ANKRD55: variants seen among roughly 807,000 people sequenced by gnomAD.
ANKRD55 encodes the protein ankyrin repeat domain-containing protein 55.
In ANKRD55, 41 loss-of-function variants were observed where a neutral mutation model predicts 60.6. The ratio of observed to expected loss-of-function variants is 0.68; its 90% CI spans 0.53 to 0.88. The LOEUF is 0.88. ANKRD55 is among the 40% of genes least tolerant of loss of function. The probability of loss-of-function intolerance (pLI) is 0.00; values close to 1 mark genes in which losing one functional copy is unlikely to be tolerated. For missense variants in ANKRD55, 732 were observed against 767.6 expected (o/e 0.95, Z 0.55); for synonymous variants, 264 against 290.3 (o/e 0.91, Z 0.92).
At chr5:56,132,100 G>C (rs1205387545) in intron 7 of ANKRD55, among the ~76,000 whole-genome samples, 1 of 151,690 alleles carries the variant, frequency 6.6e-6, no homozygotes, top group Non-Finnish European at 1.5e-5. Context: ...CAGGTGGAAG[G>C]AATTAGAATC....
chr5:56,170,619 G>C, intron 5 of ANKRD55, 75 bp downstream of exon 5: 5 of 1,211,138 alleles, frequency 4.1e-6, no homozygotes, highest in Non-Finnish European at 6.1e-6. Flanking sequence ...CAGCCACAGA[G>C]GGATGGATTA....
At chr5:56,208,983 A>G (rs1244236497) in intron 2 of ANKRD55, among the ~76,000 whole-genome samples, 3 of 150,520 alleles carry the variant, frequency 2.0e-5, no homozygotes, top group Non-Finnish European at 4.4e-5. Flanking sequence ...TTTGAGTCAG[A>G]GTCTCGCTCT....
intron 5 of ANKRD55, among the ~76,000 whole-genome samples, chr5:56,165,824 G>A (rs575961796): frequency 1.2e-3 from 184 of 152,264 alleles, no homozygotes; most frequent in Admixed American, 3.8e-3. Flanking sequence ...AGCTACTCGG[G>A]AGGCTGAGGC....
chr5:56,118,160 T>C (rs1756933729), intron 8 of ANKRD55, among the ~76,000 whole-genome samples: 1 of 151,326 alleles, frequency 6.6e-6, no homozygotes. Flanking sequence ...AAGAAAAAAG[T>C]CCTTCATTGG....
intron 2 of ANKRD55, among the ~76,000 whole-genome samples, chr5:56,223,517 T>G (rs975148658): frequency 2.0e-5 from 3 of 152,210 alleles, no homozygotes; most frequent in African/African-American, 7.2e-5. Flanking sequence ...TAACCTTAAA[T>G]GTAAATGGGC....
At chr5:56,100,882 G>A (rs1036058689) in intron 11 of ANKRD55, among the ~76,000 whole-genome samples, 1 of 152,130 alleles carries the variant, frequency 6.6e-6, no homozygotes, top group East Asian at 1.9e-4. Context: ...TCCTTAACTA[G>A]ATGTTTTTGT....
chr5:56,121,421 G>A (rs1757050361), intron 8 of ANKRD55, among the ~76,000 whole-genome samples: 1 of 133,256 alleles, frequency 7.5e-6, no homozygotes, highest in Admixed American at 8.5e-5. Flanking sequence ...TCACTAGGTT[G>A]GGGTGCAGTG....
intron 2 of ANKRD55, 109 bp downstream of exon 2, chr5:56,232,746 AC>A: frequency 2.1e-6 from 1 of 468,100 alleles, no homozygotes. Context: ...ACGCACATGA[AC>A]ACACACACAC....
At chr5:56,157,122 C>T (rs1410973841) in intron 6 of ANKRD55, 1 of 153,890 alleles carries the variant, frequency 6.5e-6, no homozygotes, top group Non-Finnish European at 1.4e-5. Flanking sequence ...TAATCTGTAA[C>T]CCTACCCCCA....
intron 2 of ANKRD55, among the ~76,000 whole-genome samples, chr5:56,209,859 T>C (rs1256999577): frequency 1.3e-5 from 2 of 152,186 alleles, no homozygotes; most frequent in Non-Finnish European, 2.9e-5. Context: ...TTTGTGAAAC[T>C]GCCCTCTAGA....
chr5:56,121,188 A>T (rs1757039736), intron 8 of ANKRD55, among the ~76,000 whole-genome samples: 1 of 152,110 alleles, frequency 6.6e-6, no homozygotes, highest in African/African-American at 2.4e-5. Flanking sequence ...AAATTCCAGA[A>T]CCAAGGCACA....
chr5:56,220,620 G>A (rs923055344), intron 2 of ANKRD55, among the ~76,000 whole-genome samples: 5 of 152,172 alleles, frequency 3.3e-5, no homozygotes, highest in Non-Finnish European at 5.9e-5. Context: ...TTCAAGACTA[G>A]CCTGGCCAAA....
intron 2 of ANKRD55, among the ~76,000 whole-genome samples, chr5:56,210,673 A>G (rs1227778161): frequency 6.6e-6 from 1 of 151,734 alleles, no homozygotes; most frequent in Non-Finnish European, 1.5e-5. Flanking sequence ...TTAAGTTCTC[A>G]GTTTGGTTTT....
At chr5:56,218,603 G>A (rs1433749078) in intron 2 of ANKRD55, among the ~76,000 whole-genome samples, 1 of 152,204 alleles carries the variant, frequency 6.6e-6, no homozygotes, top group Non-Finnish European at 1.5e-5. Flanking sequence ...TTACAGTACA[G>A]CATAAACCTA....
intron 2 of ANKRD55, among the ~76,000 whole-genome samples, chr5:56,184,272 G>A (rs1758918184): frequency 6.6e-6 from 1 of 152,190 alleles, no homozygotes; most frequent in African/African-American, 2.4e-5. Flanking sequence ...CCAACAGGAG[G>A]CTCTTTCTTG....
At chr5:56,158,726 C>T (rs1206542522) in intron 6 of ANKRD55, among the ~76,000 whole-genome samples, 1 of 152,220 alleles carries the variant, frequency 6.6e-6, no homozygotes, top group Non-Finnish European at 1.5e-5. Flanking sequence ...CAGGATGTCA[C>T]TCTGTCACCC....
chr5:56,134,796 T>C (rs1464910331), intron 7 of ANKRD55, among the ~76,000 whole-genome samples: 2 of 152,024 alleles, frequency 1.3e-5, no homozygotes, highest in African/African-American at 4.8e-5. Context: ...ACAAAGATAT[T>C]ATAAGAAAAC....
chr5:56,166,158 T>TTTCCTTCCTTCC (rs1180954187), intron 5 of ANKRD55, among the ~76,000 whole-genome samples: 792 of 72,362 alleles, frequency 0.011, 25 homozygotes, highest in African/African-American at 0.022. Context: ...TTCTTTCTTC[T>TTTCCTTCCTTCC]TTCCTTCCTT....
At chr5:56,173,180 T>A (rs1758646653) in intron 4 of ANKRD55, among the ~76,000 whole-genome samples, 1 of 152,128 alleles carries the variant, frequency 6.6e-6, no homozygotes, top group Admixed American at 6.5e-5. Context: ...TCTGTGTGTA[T>A]GCCCTGAATT....
Sources: gnomAD v4.1 joint callset for allele counts (sites outside exome capture counted in the v4.1 genomes callset) on GRCh38, gnomAD v4.1.1 for gene constraint, MANE v1.5 for transcripts, NCBI Gene and HGNC (gene_info 2026-07-23, HGNC 2026-07-21) for gene names.